CALN1: variants seen among roughly 807,000 people sequenced by gnomAD.
The protein encoded by CALN1 is calcium-binding protein 8.
CALN1 carries 17 observed loss-of-function variants against 30.6 expected under a neutral mutation model. The observed-to-expected ratio is 0.56, with a 90% CI of 0.38 to 0.83. The LOEUF (loss-of-function observed/expected upper bound fraction) is 0.83. Among genes scored for constraint, CALN1 ranks in the 40% least tolerant of loss-of-function variants. CALN1 has a pLI of 0.00. For synonymous variants in CALN1, 156 were observed against 131.4 expected (o/e 1.19, Z -1.28); for missense variants, 291 against 354.9 (o/e 0.82, Z 1.45).
At chr7:71,968,449 G>A (rs938141036) in intron 5 of CALN1, among the ~76,000 whole-genome samples, 1 of 151,948 alleles carries the variant, frequency 6.6e-6, no homozygotes, top group African/African-American at 2.4e-5. Flanking sequence ...TTTTATTTTC[G>A]AGATGAAGTC....
At chr7:72,395,354 C>T (rs996255792) in intron 2 of CALN1, among the ~76,000 whole-genome samples, 9 of 94,162 alleles carry the variant, frequency 9.6e-5, no homozygotes, top group Non-Finnish European at 1.5e-4. Context: ...GCTGCGCACG[C>T]GCGCGCACAC....
At chr7:72,501,956 TATATATATATAA>T in the CALN1 span, among the ~76,000 whole-genome samples, 44 of 103,232 alleles carry the variant, frequency 4.3e-4, no homozygotes, top group African/African-American at 5.2e-4. Flanking sequence ...TATACACACA[TATATATATATAA>T]ATATATATAC....
chr7:72,404,879 A>T (rs904386913), intron 1 of CALN1, among the ~76,000 whole-genome samples: 3 of 152,238 alleles, frequency 2.0e-5, no homozygotes, highest in Non-Finnish European at 4.4e-5. Flanking sequence ...CAATCGGCTC[A>T]AATGAAAGAG....
intron 5 of CALN1, among the ~76,000 whole-genome samples, chr7:71,931,897 G>A (rs904740595): frequency 1.1e-4 from 16 of 152,184 alleles, no homozygotes; most frequent in Admixed American, 7.9e-4. Context: ...TGCCAGCCTA[G>A]CACACTTTAC....
chr7:72,415,398 C>G (rs1341182000), upstream of CALN1, among the ~76,000 whole-genome samples: 1 of 152,336 alleles, frequency 6.6e-6, no homozygotes, highest in Non-Finnish European at 1.5e-5. Flanking sequence ...AAGTGGCTCC[C>G]TTTGTGCAAG....
At chr7:72,353,329 A>G (rs1056017253) in intron 2 of CALN1, among the ~76,000 whole-genome samples, 9 of 152,208 alleles carry the variant, frequency 5.9e-5, no homozygotes, top group Non-Finnish European at 1.2e-4. Flanking sequence ...AAGCCTTAAC[A>G]TATATTAGCA....
intron 3 of CALN1, among the ~76,000 whole-genome samples, chr7:72,152,913 G>C (rs1787368400): frequency 6.6e-6 from 1 of 152,176 alleles, no homozygotes; most frequent in Non-Finnish European, 1.5e-5. Context: ...TTTGTCCCCA[G>C]ACTGTTCCTT....
At chr7:72,376,342 T>C (rs139276466) in intron 2 of CALN1, among the ~76,000 whole-genome samples, 2 of 152,330 alleles carry the variant, frequency 1.3e-5, no homozygotes, top group South Asian at 2.1e-4. Flanking sequence ...GACATCATTT[T>C]ACAGTACAAT....
chr7:72,148,445 GA>G (rs900780381), intron 3 of CALN1, among the ~76,000 whole-genome samples: 3 of 149,588 alleles, frequency 2.0e-5, no homozygotes, highest in African/African-American at 7.3e-5. Context: ...AAGAAAAAAA[GA>G]AAAAAAAATA....
chr7:71,963,818 GATT>G (rs1325162653), intron 5 of CALN1, among the ~76,000 whole-genome samples: 6 of 152,146 alleles, frequency 3.9e-5, no homozygotes, highest in African/African-American at 1.4e-4. Flanking sequence ...AATGCAATGA[GATT>G]ATCACCATTT....
intron 5 of CALN1, among the ~76,000 whole-genome samples, chr7:71,831,634 C>T (rs1584322052): frequency 6.6e-6 from 1 of 151,180 alleles, no homozygotes; most frequent in Admixed American, 6.6e-5. Flanking sequence ...ATCTATAAGC[C>T]CAGCACTTTG....
intron 2 of CALN1, among the ~76,000 whole-genome samples, chr7:72,333,611 G>A (rs1801817192): frequency 6.7e-6 from 1 of 150,292 alleles, no homozygotes; most frequent in Non-Finnish European, 1.5e-5. Flanking sequence ...ATCGTGAAAG[G>A]ACATTTCAGA....
At chr7:71,862,485 G>A (rs1166125218) in intron 5 of CALN1, among the ~76,000 whole-genome samples, 1 of 152,180 alleles carries the variant, frequency 6.6e-6, no homozygotes, top group East Asian at 1.9e-4. Flanking sequence ...TGCCATGTAA[G>A]ACGTGAATTT....
At chr7:72,300,430 AAAC>A (rs1467771113) in intron 2 of CALN1, among the ~76,000 whole-genome samples, 4 of 151,168 alleles carry the variant, frequency 2.6e-5, no homozygotes, top group Admixed American at 2.6e-4. Flanking sequence ...AAAAAGATAA[AAAC>A]AAGAAAAAAA....
chr7:71,837,237 A>G (rs1209452135), intron 5 of CALN1, among the ~76,000 whole-genome samples: 1 of 136,340 alleles, frequency 7.3e-6, no homozygotes, highest in Non-Finnish European at 1.5e-5. Flanking sequence ...ATCTCAAAAA[A>G]AAAGACAAAA....
intron 4 of CALN1, among the ~76,000 whole-genome samples, chr7:72,028,638 T>C (rs1801244867): frequency 1.3e-5 from 2 of 152,304 alleles, no homozygotes; most frequent in South Asian, 4.1e-4. Flanking sequence ...GGAGAGGACG[T>C]TTGGAATTCC....
chr7:71,812,142 G>A (rs1401833572), intron 5 of CALN1, among the ~76,000 whole-genome samples: 1 of 152,226 alleles, frequency 6.6e-6, no homozygotes, highest in East Asian at 1.9e-4. Context: ...CTGGGTCTCA[G>A]AATGAGGATA....
At chr7:72,261,046 G>A (rs542820427) in intron 3 of CALN1, among the ~76,000 whole-genome samples, 4 of 152,222 alleles carry the variant, frequency 2.6e-5, no homozygotes, top group East Asian at 1.9e-4. Flanking sequence ...GGTGGCTCTC[G>A]CCTGTAATCC....
In CALN1 at chr7:72,399,270, C is replaced by CTTTTT. The variant is rs5884888; in HGVS notation, c.119+3976_119+3980dup. 1.4e-3 allele frequency among the ~76,000 whole-genome samples: 146 copies of CTTTTT among 106,772 alleles called. 7 individuals carry two copies. The highest frequency in any genetic ancestry group is 2.9e-3 in the South Asian group (8 of 2,728). The allele number at this position is 106,772 out of a possible 152,430, so 70.0% of individuals were successfully genotyped here. ...CCAGCCGGTTTTGTCTAACCTATTGCTTTTTTTTTTTTTTTTTTTGAGATG... is the reference window on the plus strand; with the variant it reads ...CCAGCCGGTTTTGTCTAACCTATTGCTTTTTTTTTTTTTTTTTTTTTTTTGAGATG... On this transcript the variant is annotated intron_variant, in intron 2 of 6. Coordinates refer to ENST00000395275, the MANE Select transcript of CALN1 (RefSeq NM_031468.4).
Sources: allele counts gnomAD v4.1 joint callset (sites outside exome capture counted in the v4.1 genomes callset), GRCh38; gene constraint gnomAD v4.1.1; transcripts MANE v1.5; gene names NCBI Gene and HGNC (gene_info 2026-07-23, HGNC 2026-07-21).